The following KRT86 variants were observed in gnomAD, a reference collection of about 807,000 sequenced individuals.
KRT86 encodes keratin 86, also known as keratin, type II cuticular Hb6.
In KRT86, 30 loss-of-function variants were observed where a neutral mutation model predicts 41.2. That is an observed-to-expected ratio of 0.73 (90% confidence interval 0.54 to 0.99). The LOEUF is 0.99. Among genes scored for constraint, KRT86 ranks in the 50% least tolerant of loss-of-function variants. The pLI, the probability that KRT86 is intolerant of heterozygous loss-of-function variation, is 0.00. For synonymous variants in KRT86, 238 were observed against 238.1 expected (o/e 1.00, Z 0.00); for missense variants, 561 against 571.4 (o/e 0.98, Z 0.19).
chr12:52,279,634 T>A (rs879731035), intron 2 of KRT86, among the ~76,000 whole-genome samples: 21 of 152,112 alleles, frequency 1.4e-4, no homozygotes, highest in Non-Finnish European at 3.1e-4. Context: ...GCGAGAACAG[T>A]ACCAGGAAGC....
chr12:52,300,862 G>A (rs982029133), intron 2 of KRT86, among the ~76,000 whole-genome samples: 41 of 152,220 alleles, frequency 2.7e-4, no homozygotes, highest in African/African-American at 9.7e-4. Flanking sequence ...AGGTTACACA[G>A]AGGCCTGAGA....
intron 2 of KRT86, chr12:52,291,640 C>A (rs1329208028): frequency 2.1e-6 from 2 of 931,246 alleles, no homozygotes; most frequent in South Asian, 1.7e-5. Flanking sequence ...GGTGGTTAGC[C>A]GGGTCTAACG....
rs149481541 is a variant in KRT86, at chr12:52,294,559, G to A, written c.-4-7354G>A. On this transcript the variant is annotated intron_variant, in intron 2 of 10. Coordinates refer to ENST00000423955, the MANE Select transcript of KRT86 (RefSeq NM_001320198.2). ...CACTCTATGGTCTTGGCTCTGGCAA[G>A]GTAAAGAGGATAGATTTTAACTTTG... Among the ~76,000 whole-genome samples the A allele has an allele frequency of 7.2e-3, 1,095 of 152,218 alleles. 9 individuals carry two copies. Among genetic ancestry groups the A allele is most frequent in the African/African-American group, 0.025 (1,026 of 41,544 alleles).
intron 6 of KRT86, 36 bp from the exon 7 acceptor site, chr12:52,305,204 G>A (rs1938477186): frequency 3.1e-6 from 5 of 1,614,180 alleles, no homozygotes; most frequent in Middle Eastern, 1.7e-4. Context: ...GTGGGGCTGT[G>A]TTCTCAACTA....
At chr12:52,287,424 A>G in intron 2 of KRT86, 1 of 1,571,768 alleles carries the variant, frequency 6.4e-7, no homozygotes, top group Non-Finnish European at 8.7e-7. Context: ...GCACCCCAGA[A>G]CAGAGCCTCT....
chr12:52,292,275 C>T (rs755388036), intron 2 of KRT86, among the ~76,000 whole-genome samples: 10 of 152,142 alleles, frequency 6.6e-5, no homozygotes, highest in Non-Finnish European at 1.0e-4. Context: ...GGCATGTCAC[C>T]CTTAAATACA....
chr12:52,275,847 G>A lies in KRT86; in HGVS notation c.-104G>A. 1.0e-6 allele frequency: 1 copy of A among 985,974 alleles called. No homozygotes were observed. The highest frequency in any genetic ancestry group is 1.2e-6 in the Non-Finnish European group (1 of 829,994). The allele number at this position is 985,974 out of a possible 1,614,324, so 61.1% of individuals were successfully genotyped here. A position where few individuals can be genotyped will look rare whatever the true frequency, so the allele number is the denominator to read the frequency against. The stretch of plus-strand genomic sequence containing the variant: ...GTGAGGAATTAAAGGCAACTGTGCA[G>A]AAACACACGCAGAGCCTGAAGCCCA... On this transcript the variant is annotated 5_prime_UTR_variant, in exon 2 of 11. Coordinates refer to ENST00000423955, the MANE Select transcript of KRT86 (RefSeq NM_001320198.2).
Position 52,308,283 on chromosome 12 carries a change from C to T in KRT86, c.1279+19C>T. 1 of 1,614,168 alleles carries T rather than the reference C, an allele frequency of 6.2e-7. No individual in the cohort carries two copies. The highest frequency in any genetic ancestry group is 8.5e-7 in the Non-Finnish European group (1 of 1,180,030). On this transcript the variant is annotated intron_variant, in intron 10 of 10. Coordinates refer to ENST00000423955, the MANE Select transcript of KRT86 (RefSeq NM_001320198.2). ...AATGTCTGTAAGTAGTGGGGTCCGT[C>T]CCCTCCTCCCGCTGGGCGGGTCTGG...
At chr12:52,281,727 T>G (rs1937775833) in intron 2 of KRT86, among the ~76,000 whole-genome samples, 2 of 152,170 alleles carry the variant, frequency 1.3e-5, no homozygotes, top group African/African-American at 4.8e-5. Context: ...CTTTTTTTCC[T>G]TCTTATTTAA....
intron 2 of KRT86, chr12:52,287,791 T>A: frequency 6.2e-7 from 1 of 1,613,584 alleles, no homozygotes; most frequent in Non-Finnish European, 8.5e-7. Flanking sequence ...CCACAGATGA[T>A]TTTGCAGGTT....
chr12:52,295,236 G>C (rs1822893561), intron 2 of KRT86, among the ~76,000 whole-genome samples: 1 of 152,022 alleles, frequency 6.6e-6, no homozygotes, highest in Admixed American at 6.6e-5. Context: ...TACCACACTA[G>C]ATACTATTTT....
rs1938577030 is a variant in KRT86, at chr12:52,308,716, C to G, written c.*131C>G. On this transcript the variant is annotated 3_prime_UTR_variant, in exon 11 of 11. Coordinates refer to ENST00000423955, the MANE Select transcript of KRT86 (RefSeq NM_001320198.2). Reference sequence around the variant, plus strand: ...CGCTGCCTGCACTCTAAGCGCCCTCCCCACCGCTCCGCTCCGGGAGCCATC... The same window carrying G: ...CGCTGCCTGCACTCTAAGCGCCCTCGCCACCGCTCCGCTCCGGGAGCCATC... The G allele has an allele frequency of 2.4e-6, 2 of 822,114 alleles. No homozygotes were observed. Among genetic ancestry groups the G allele is most frequent in the African/African-American group, 3.4e-5 (2 of 58,302 alleles). The allele number at this position is 822,114 out of a possible 1,614,324, so 50.9% of individuals were successfully genotyped here. A position where few individuals can be genotyped will look rare whatever the true frequency, so the allele number is the denominator to read the frequency against.
chr12:52,285,675 T>C (rs531699023), intron 2 of KRT86, among the ~76,000 whole-genome samples: 1 of 152,324 alleles, frequency 6.6e-6, no homozygotes, highest in African/African-American at 2.4e-5. Context: ...AATTATTGAG[T>C]GCCTCTGAGT....
At chr12:52,301,059 T>C (rs1398916811) in intron 2 of KRT86, among the ~76,000 whole-genome samples, 1 of 151,936 alleles carries the variant, frequency 6.6e-6, no homozygotes, top group Non-Finnish European at 1.5e-5. Context: ...ACATGCTAGT[T>C]GAATGTGCAG....
At chr12:52,304,823 G>C in intron 5 of KRT86, 109 bp from the exon 6 acceptor site, 1 of 1,206,566 alleles carries the variant, frequency 8.3e-7, no homozygotes, top group Non-Finnish European at 1.2e-6. Flanking sequence ...ATGGGAATGA[G>C]ACACTGGGGA....
intron 5 of KRT86, among the ~76,000 whole-genome samples, chr12:52,304,654 G>A (rs1369914381): frequency 6.6e-6 from 1 of 151,830 alleles, no homozygotes; most frequent in Non-Finnish European, 1.5e-5. Flanking sequence ...GGGTCAGTCT[G>A]GGCAGGCTTC....
At chr12:52,301,342 G>C (rs1256911174) in intron 2 of KRT86, among the ~76,000 whole-genome samples, 1 of 152,134 alleles carries the variant, frequency 6.6e-6, no homozygotes, top group Non-Finnish European at 1.5e-5. Flanking sequence ...AGGTGACTAA[G>C]TTAGAGATTC....
At position 52,301,058 on chromosome 12, in the gene KRT86, T is replaced by C. The variant is rs1003204067; in HGVS notation, c.-4-855T>C. Among the ~76,000 whole-genome samples, 5 of 151,846 alleles carry C rather than the reference T, an allele frequency of 3.3e-5. No homozygotes were observed. In the South Asian group the frequency reaches 1.0e-3, roughly 31 times the overall value. Reference sequence around the variant, plus strand: ...GCCTGAGGACTAGTCTACATGCTAGTTGAATGTGCAGGTGAGGACCTGTGA... The same window carrying C: ...GCCTGAGGACTAGTCTACATGCTAGCTGAATGTGCAGGTGAGGACCTGTGA... On this transcript the variant is annotated intron_variant, in intron 2 of 10. Coordinates refer to ENST00000423955, the MANE Select transcript of KRT86 (RefSeq NM_001320198.2).
chr12:52,284,104 T>C (rs530970110), intron 2 of KRT86, among the ~76,000 whole-genome samples: 1 of 152,292 alleles, frequency 6.6e-6, no homozygotes, highest in South Asian at 2.1e-4. Flanking sequence ...GGAGTTGTAG[T>C]TGGCTTCTGA....
Sources: gnomAD v4.1 joint callset for allele counts (sites outside exome capture counted in the v4.1 genomes callset) on GRCh38, gnomAD v4.1.1 for gene constraint, MANE v1.5 for transcripts, NCBI Gene and HGNC (gene_info 2026-07-23, HGNC 2026-07-21) for gene names.